ARHGAP8: variants seen among roughly 807,000 people sequenced by gnomAD.
ARHGAP8 encodes Rho GTPase activating protein 8, also known as rho GTPase-activating protein 8.
A neutral mutation model predicts 46.1 loss-of-function variants in ARHGAP8; 62 were observed. The observed-to-expected ratio is 1.34, with a 90% CI of 1.10 to 1.66. ARHGAP8 has a LOEUF of 1.66. ARHGAP8 is among the 40% of genes most tolerant of loss of function. The pLI, the probability that ARHGAP8 is intolerant of heterozygous loss-of-function variation, is 0.00. For synonymous variants in ARHGAP8, 375 were observed against 243.1 expected (o/e 1.54, Z -5.05); for missense variants, 923 against 568.4 (o/e 1.62, Z -6.34).
At chr22:44,847,194 T>C (rs2069979111) in intron 8 of ARHGAP8, among the ~76,000 whole-genome samples, 2 of 152,216 alleles carry the variant, frequency 1.3e-5, no homozygotes, top group Non-Finnish European at 2.9e-5. Flanking sequence ...TGTTTCTCTT[T>C]CTGGCTCTGA....
At chr22:44,778,567 G>A (rs1157972453) in intron 1 of ARHGAP8, among the ~76,000 whole-genome samples, 1 of 152,128 alleles carries the variant, frequency 6.6e-6, no homozygotes, top group Non-Finnish European at 1.5e-5. Flanking sequence ...TGGATCAAAT[G>A]GTAGTTCTAC....
chr22:44,772,343 TTCTTTTTTC>T (rs1237805540), intron 1 of ARHGAP8, among the ~76,000 whole-genome samples: 4 of 106,804 alleles, frequency 3.7e-5, no homozygotes, highest in Non-Finnish European at 5.7e-5. Flanking sequence ...TTTTTGTATT[TTCTTTTTTC>T]TTTTTTTTTT....
intron 1 of ARHGAP8, among the ~76,000 whole-genome samples, chr22:44,754,557 T>C (rs1924519404): frequency 6.6e-6 from 1 of 152,132 alleles, no homozygotes; most frequent in African/African-American, 2.4e-5. Context: ...GGTTTCACCA[T>C]GTTAGGCAGG....
chr22:44,861,203 C>A (rs1283003266), intron 11 of ARHGAP8, among the ~76,000 whole-genome samples: 1 of 152,158 alleles, frequency 6.6e-6, no homozygotes, highest in Non-Finnish European at 1.5e-5. Context: ...AACTCCTGAC[C>A]TCAGGTGATC....
intron 3 of ARHGAP8, among the ~76,000 whole-genome samples, chr22:44,806,969 AAAAAG>A (rs1928970826): frequency 6.6e-6 from 1 of 151,682 alleles, no homozygotes; most frequent in Admixed American, 6.6e-5. Flanking sequence ...AAAAAAAAAA[AAAAAG>A]AAATCAAACG....
chr22:44,793,050 C>G (rs1244763424), intron 2 of ARHGAP8, among the ~76,000 whole-genome samples: 4 of 152,128 alleles, frequency 2.6e-5, no homozygotes, highest in Admixed American at 2.6e-4. Context: ...TCTCGAAATC[C>G]TGACCTCGGG....
At chr22:44,813,573 TAC>T (rs552841846) in intron 4 of ARHGAP8, among the ~76,000 whole-genome samples, 44 of 151,236 alleles carry the variant, frequency 2.9e-4, no homozygotes, top group Admixed American at 7.9e-4. Context: ...TACATACAAC[TAC>T]ACACACACCA....
At chr22:44,812,471 C>T (rs565905606) in intron 4 of ARHGAP8, among the ~76,000 whole-genome samples, 3 of 151,954 alleles carry the variant, frequency 2.0e-5, no homozygotes, top group Admixed American at 6.6e-5. Flanking sequence ...ATTCTCCTGC[C>T]TCAGCCTCCT....
rs1555911045 is a variant in ARHGAP8 at position 44,787,047 on chromosome 22, A to ACAAAAAC, written c.79+441_79+442insCAAAAAC. Among the ~76,000 whole-genome samples the ACAAAAAC allele has an allele frequency of 2.1e-5, 3 of 145,484 alleles. 1 individual carries two copies. Among genetic ancestry groups the ACAAAAAC allele is most frequent in the Non-Finnish European group, 4.5e-5 (3 of 66,542 alleles). ...CCTGTCTCAAAAAAACAAAAAAAAA[A>ACAAAAAC]AAAAGAAAGAAGTAAAACTAATTGG... On this transcript the variant is annotated intron_variant, in intron 2 of 11. Transcript: ENST00000356099.
intron 7 of ARHGAP8, among the ~76,000 whole-genome samples, chr22:44,842,443 A>G (rs1602253270): frequency 6.6e-6 from 1 of 152,152 alleles, no homozygotes; most frequent in Non-Finnish European, 1.5e-5. Flanking sequence ...CTAGACATAG[A>G]TTCACTGGAT....
At chr22:44,817,464 A>T (rs956183720) in intron 5 of ARHGAP8, among the ~76,000 whole-genome samples, 4 of 152,238 alleles carry the variant, frequency 2.6e-5, no homozygotes, top group African/African-American at 7.2e-5. Context: ...GACATGTGAC[A>T]TATTTGACAT....
chr22:44,852,331 C>G (rs761167517), intron 10 of ARHGAP8, among the ~76,000 whole-genome samples: 1 of 151,896 alleles, frequency 6.6e-6, no homozygotes, highest in African/African-American at 2.4e-5. Flanking sequence ...TTTGTCATTC[C>G]GCCGTCTTTA....
At chr22:44,799,622 C>G (rs1224036419) in intron 2 of ARHGAP8, among the ~76,000 whole-genome samples, 1 of 152,108 alleles carries the variant, frequency 6.6e-6, no homozygotes, top group African/African-American at 2.4e-5. Context: ...GTGGGTTTGG[C>G]TCCCTCCCCA....
intron 1 of ARHGAP8, among the ~76,000 whole-genome samples, chr22:44,785,271 T>A (rs943639795): frequency 2.0e-5 from 3 of 152,160 alleles, no homozygotes; most frequent in Middle Eastern, 3.2e-3. Flanking sequence ...GACCTGAATC[T>A]ACCCATCTCC....
chr22:44,774,897 C>T (rs132475), intron 1 of ARHGAP8, among the ~76,000 whole-genome samples: 122,498 of 150,942 alleles, frequency 0.81, 49,821 homozygotes, highest in South Asian at 0.87. Flanking sequence ...GTGGAGCAAT[C>T]GTGGCTCACT....
rs754001804 is a variant in ARHGAP8 at position 44,859,838 on chromosome 22, A to C, written c.981+4A>C. On this transcript the variant is annotated splice_donor_region_variant and intron_variant, in intron 11 of 11. Coordinates refer to ENST00000356099, the MANE Select transcript of ARHGAP8 (RefSeq NM_181335.3). The stretch of plus-strand genomic sequence containing the variant: ...CCTCATGGGCTTCCTGCATGCGGTG[A>C]GTGGGGAAGGGGGGAGCTTGGGGTG... 2 of 1,613,146 alleles carry C rather than the reference A, an allele frequency of 1.2e-6. No homozygotes were observed. Among genetic ancestry groups the C allele is most frequent in the Non-Finnish European group, 1.7e-6 (2 of 1,179,618 alleles).
At chr22:44,839,892 A>G (rs1931540011) in intron 7 of ARHGAP8, among the ~76,000 whole-genome samples, 1 of 152,246 alleles carries the variant, frequency 6.6e-6, no homozygotes, top group African/African-American at 2.4e-5. Context: ...GAGTTTGCCC[A>G]TGGGGCGTTG....
At chr22:44,857,218 G>T (rs2070251708) in intron 10 of ARHGAP8, among the ~76,000 whole-genome samples, 1 of 151,508 alleles carries the variant, frequency 6.6e-6, no homozygotes, top group Admixed American at 6.6e-5. Context: ...GGTATTATAG[G>T]TGTGAGCCAC....
intron 1 of ARHGAP8, among the ~76,000 whole-genome samples, chr22:44,774,722 G>A (rs5765972): frequency 0.68 from 103,262 of 151,470 alleles, 36,538 homozygotes; most frequent in Non-Finnish European, 0.78. Flanking sequence ...GGATTTTACC[G>A]TGTTGGCCAG....
Sources: gnomAD v4.1 joint callset for allele counts (sites outside exome capture counted in the v4.1 genomes callset) on GRCh38, gnomAD v4.1.1 for gene constraint, MANE v1.5 for transcripts, NCBI Gene and HGNC (gene_info 2026-07-23, HGNC 2026-07-21) for gene names.